Variants in LEF1 observed in about 807,000 individuals in gnomAD.
LEF1 encodes the protein lymphoid enhancer-binding factor 1.
In LEF1, 14 loss-of-function variants were observed where a neutral mutation model predicts 51.2. The ratio of observed to expected loss-of-function variants is 0.27; its 90% CI spans 0.18 to 0.43. The LOEUF is 0.43. LEF1 is among the 20% of genes least tolerant of loss of function. LEF1 has a pLI of 1.00. For missense variants in LEF1, 386 were observed against 512.0 expected, an observed-to-expected ratio of 0.75 and a Z score of 2.37; for synonymous variants, 185 against 183.2, an observed-to-expected ratio of 1.01 and a Z score of -0.08.
At chr4:108,065,459 G>A (rs1294904047) in intron 9 of LEF1, among the ~76,000 whole-genome samples, 1 of 152,114 alleles carries the variant, frequency 6.6e-6, no homozygotes, top group Admixed American at 6.5e-5. Flanking sequence ...GCCACAGAGT[G>A]AGCCTGGGCC....
intron 1 of LEF1, 127 bp from the exon 2 acceptor site, chr4:108,165,290 C>A: frequency 1.2e-6 from 1 of 801,832 alleles, no homozygotes; most frequent in Non-Finnish European, 2.2e-6. Context: ...GTTTTATACT[C>A]TGAGAGACAT....
In LEF1 at chr4:108,113,261, C is replaced by G. The variant is rs536106831; in HGVS notation, c.415-24004G>C. On this transcript the variant is annotated intron_variant, in intron 3 of 11. Transcript: ENST00000265165. ...GAACCAGATAGCATTTTGAGAACGG[C>G]AGAAAAAAGGTAGAAGAGCTCCAGA... is the stretch of plus-strand genomic sequence containing the variant. Among the ~76,000 whole-genome samples the G allele has an allele frequency of 3.3e-5, 5 of 152,154 alleles. No individual in the cohort carries two copies. The East Asian group carries it at 7.7e-4, about 24-fold the overall frequency.
chr4:108,161,645 G>T (rs1194152164), intron 3 of LEF1, among the ~76,000 whole-genome samples: 1 of 152,204 alleles, frequency 6.6e-6, no homozygotes, highest in Non-Finnish European at 1.5e-5. Flanking sequence ...CTGGCATAAA[G>T]AGGAAGATCA....
intron 3 of LEF1, among the ~76,000 whole-genome samples, chr4:108,104,425 T>TTATA (rs921562971): frequency 5.4e-5 from 8 of 147,838 alleles, no homozygotes; most frequent in Non-Finnish European, 7.4e-5. Context: ...CAAGTGAAAT[T>TTATA]TATATATATA....
chr4:108,157,292 C>G (rs1744795785), intron 3 of LEF1, among the ~76,000 whole-genome samples: 1 of 151,662 alleles, frequency 6.6e-6, no homozygotes, highest in African/African-American at 2.4e-5. Context: ...CCTCAGACTC[C>G]TGGGTTCAAG....
At chr4:108,149,319 C>T (rs1486816226) in intron 3 of LEF1, among the ~76,000 whole-genome samples, 1 of 149,902 alleles carries the variant, frequency 6.7e-6, no homozygotes, top group African/African-American at 2.5e-5. Flanking sequence ...ATTAGCCGGG[C>T]GTGGTGGCGG....
intron 3 of LEF1, among the ~76,000 whole-genome samples, chr4:108,159,894 T>C (rs1408013961): frequency 6.6e-6 from 1 of 152,168 alleles, no homozygotes; most frequent in Non-Finnish European, 1.5e-5. Flanking sequence ...ACCCATATCT[T>C]TCCTTTCCCA....
chr4:108,059,978 C>T (rs1233370760), intron 11 of LEF1, among the ~76,000 whole-genome samples: 1 of 152,198 alleles, frequency 6.6e-6, no homozygotes, highest in African/African-American at 2.4e-5. Context: ...AGCTACCATA[C>T]CCAGCCTGGA....
At chr4:108,096,268 G>A (rs1291896961) in intron 3 of LEF1, among the ~76,000 whole-genome samples, 1 of 152,126 alleles carries the variant, frequency 6.6e-6, no homozygotes, top group Non-Finnish European at 1.5e-5. Flanking sequence ...AGGAGAAACA[G>A]GAGGAGGAGG....
Position 108,047,742 on chromosome 4 carries a change from A to T in LEF1, c.*1016T>A, listed in dbSNP as rs1173956923. On this transcript the variant is annotated 3_prime_UTR_variant, in exon 12 of 12. Coordinates refer to ENST00000265165, the MANE Select transcript of LEF1 (RefSeq NM_016269.5). ...CCCACTAATTGGCTAATAAAAACAG[A>T]TACAAATACAGAACATTTAAAGTAA... 1 of 152,672 alleles carries T rather than the reference A, an allele frequency of 6.5e-6. No homozygotes were observed. The highest frequency in any genetic ancestry group is 1.5e-5 in the Non-Finnish European group (1 of 68,052). 9.5% of individuals were successfully genotyped at this position (152,672 alleles called of 1,614,324 possible).
At chr4:108,074,676 T>C (rs996232208) in intron 8 of LEF1, among the ~76,000 whole-genome samples, 6 of 152,186 alleles carry the variant, frequency 3.9e-5, no homozygotes, top group Admixed American at 2.6e-4. Flanking sequence ...TATGAAAGGA[T>C]AGAAAACCTG....
chr4:108,108,286 T>C (rs1170429929), intron 3 of LEF1, among the ~76,000 whole-genome samples: 1 of 152,182 alleles, frequency 6.6e-6, no homozygotes, highest in East Asian at 1.9e-4. Flanking sequence ...CCTAACATTG[T>C]GCTGGTAATA....
intron 9 of LEF1, among the ~76,000 whole-genome samples, chr4:108,069,082 G>A: frequency 6.6e-6 from 1 of 152,070 alleles, no homozygotes; most frequent in Non-Finnish European, 1.5e-5. Context: ...TCATGAAGGG[G>A]ATTAATGTCC....
At chr4:108,121,436 A>G (rs1412514141) in intron 3 of LEF1, among the ~76,000 whole-genome samples, 3 of 152,298 alleles carry the variant, frequency 2.0e-5, no homozygotes, top group East Asian at 1.9e-4. Context: ...TACTAAACCA[A>G]TGCTGCTGCT....
chr4:108,064,655 TCACACACACACACACA>T (rs59828005), intron 9 of LEF1, among the ~76,000 whole-genome samples: 4 of 127,810 alleles, frequency 3.1e-5, no homozygotes, highest in African/African-American at 1.1e-4. Context: ...TCTCTCTCAC[TCACACACACACACACA>T]CACACACACA....
intron 3 of LEF1, among the ~76,000 whole-genome samples, chr4:108,158,431 AGAGAGC>A (rs981139582): frequency 3.3e-5 from 5 of 151,974 alleles, no homozygotes; most frequent in African/African-American, 1.2e-4. Flanking sequence ...AGAGAGAGAG[AGAGAGC>A]GCGCAACCTT....
intron 3 of LEF1, among the ~76,000 whole-genome samples, chr4:108,151,600 T>C (rs72898325): frequency 7.6e-4 from 115 of 152,308 alleles, no homozygotes; most frequent in African/African-American, 2.7e-3. Flanking sequence ...CTGCATGCCA[T>C]TGCTCAACCT....
chr4:108,073,823 A>ACC (rs35881643), intron 8 of LEF1, among the ~76,000 whole-genome samples: 1 of 144,742 alleles, frequency 6.9e-6, no homozygotes, highest in East Asian at 2.0e-4. Flanking sequence ...TCCTCTGATA[A>ACC]CCCCCCCCCC....
At chr4:108,064,251 AAGC>A (rs1472878527) in intron 10 of LEF1, 82 bp downstream of exon 10, 1 of 815,124 alleles carries the variant, frequency 1.2e-6, no homozygotes, top group Non-Finnish European at 2.1e-6. Context: ...TCACAGAAGA[AAGC>A]AGTGTGTAGA....
Sources: allele counts gnomAD v4.1 joint callset (sites outside exome capture counted in the v4.1 genomes callset), GRCh38; gene constraint gnomAD v4.1.1; transcripts MANE v1.5; gene names NCBI Gene and HGNC (gene_info 2026-07-23, HGNC 2026-07-21).